Variants in GABRB3 observed in about 807,000 individuals in gnomAD.
The protein encoded by GABRB3 is gamma-aminobutyric acid type A receptor subunit beta3.
In GABRB3, 14 loss-of-function variants were observed where a neutral mutation model predicts 52.1. That is an observed-to-expected ratio of 0.27 (90% CI 0.18 to 0.42). The LOEUF (loss-of-function observed/expected upper bound fraction) is 0.42, where lower values mean the gene tolerates loss of function less well. Ranked by LOEUF, GABRB3 falls within the 10% of genes least tolerant of loss-of-function variation. The pLI is 1.00. For synonymous variants in GABRB3, 260 were observed against 232.3 expected (o/e 1.12, Z -1.08); for missense variants, 307 against 609.1 (o/e 0.50, Z 5.22).
At chr15:26,641,078 C>A (rs1043597331) in intron 3 of GABRB3, among the ~76,000 whole-genome samples, 1 of 152,178 alleles carries the variant, frequency 6.6e-6, no homozygotes, top group Non-Finnish European at 1.5e-5. Context: ...AAATCCAACA[C>A]CCTCTTCTAA....
At chr15:26,755,748 C>T (rs1890643348) in intron 3 of GABRB3, among the ~76,000 whole-genome samples, 1 of 152,122 alleles carries the variant, frequency 6.6e-6, no homozygotes, top group South Asian at 2.1e-4. Context: ...GGATAAAAAA[C>T]CTGAAAACAA....
intron 3 of GABRB3, among the ~76,000 whole-genome samples, chr15:26,707,872 T>G (rs1442705893): frequency 6.6e-6 from 1 of 152,220 alleles, no homozygotes; most frequent in South Asian, 2.1e-4. Flanking sequence ...GATACATAGG[T>G]GAGGATCTCT....
chr15:26,564,690 G>A (rs1329834135), intron 7 of GABRB3, among the ~76,000 whole-genome samples: 1 of 152,192 alleles, frequency 6.6e-6, no homozygotes, highest in Non-Finnish European at 1.5e-5. Context: ...GGAAGGGGTG[G>A]CAGGAAGGGG....
In GABRB3 at chr15:26,680,979, G is replaced by A. The variant is rs139095435; in HGVS notation, c.241-59445C>T. 1.7e-4 allele frequency among the ~76,000 whole-genome samples: 26 copies of A among 152,252 alleles called. 2 individuals are homozygous for A. In the East Asian group the frequency reaches 4.8e-3, roughly 28 times the overall value. ...TTGCAATTGTAGCAGCCATGAATGCGTGCATTTTGTAAGATTAACCCTCTT... is the reference window on the plus strand; with the variant it reads ...TTGCAATTGTAGCAGCCATGAATGCATGCATTTTGTAAGATTAACCCTCTT... On this transcript the variant is annotated intron_variant, in intron 3 of 8. Transcript: ENST00000311550.
chr15:26,611,809 A>C (rs1318989634), intron 4 of GABRB3: 1 of 152,204 alleles, frequency 6.6e-6, no homozygotes, highest in Non-Finnish European at 1.5e-5. Flanking sequence ...TCATAGTTAA[A>C]GCTCTTAGCG....
intron 3 of GABRB3, among the ~76,000 whole-genome samples, chr15:26,724,488 G>A (rs1049954340): frequency 2.0e-5 from 3 of 152,130 alleles, no homozygotes; most frequent in South Asian, 2.1e-4. Flanking sequence ...GCAACCAACT[G>A]TCTGAGGCTG....
At chr15:26,689,529 T>C (rs1888515782) in intron 3 of GABRB3, among the ~76,000 whole-genome samples, 1 of 152,130 alleles carries the variant, frequency 6.6e-6, no homozygotes, top group Non-Finnish European at 1.5e-5. Flanking sequence ...AACATTACAC[T>C]TCATGCCTCA....
At chr15:26,615,741 A>G in intron 4 of GABRB3, 1 of 1,108,612 alleles carries the variant, frequency 9.0e-7, no homozygotes, top group Non-Finnish European at 1.1e-6. Flanking sequence ...ATGAATAACA[A>G]AAGAAGCGTA....
intron 4 of GABRB3, among the ~76,000 whole-genome samples, chr15:26,606,914 C>G (rs1231114016): frequency 6.6e-6 from 1 of 151,200 alleles, no homozygotes; most frequent in Non-Finnish European, 1.5e-5. Flanking sequence ...TCTGGATGAA[C>G]TGTAACCTAG....
At chr15:26,747,258 T>C (rs1890371917) in intron 3 of GABRB3, among the ~76,000 whole-genome samples, 1 of 152,218 alleles carries the variant, frequency 6.6e-6, no homozygotes, top group Non-Finnish European at 1.5e-5. Flanking sequence ...TGTCTGTGTG[T>C]ACAAAAATCC....
intron 3 of GABRB3, among the ~76,000 whole-genome samples, chr15:26,737,430 ACT>A (rs1236585978): frequency 6.6e-6 from 1 of 151,886 alleles, no homozygotes; most frequent in Admixed American, 6.6e-5. Flanking sequence ...ATGGAAAGAG[ACT>A]CTTCCTGTCA....
chr15:26,674,719 G>C (rs1261185783), intron 3 of GABRB3, among the ~76,000 whole-genome samples: 2 of 152,160 alleles, frequency 1.3e-5, no homozygotes, highest in African/African-American at 2.4e-5. Context: ...AGAAACCTGA[G>C]GGCATGTGCC....
At chr15:26,684,131 A>G (rs1310864437) in intron 3 of GABRB3, among the ~76,000 whole-genome samples, 3 of 152,144 alleles carry the variant, frequency 2.0e-5, no homozygotes, top group African/African-American at 7.2e-5. Context: ...CCACACTCTC[A>G]TTTTGCAACC....
At chr15:26,628,794 C>T (rs1892811289) in intron 3 of GABRB3, among the ~76,000 whole-genome samples, 1 of 152,108 alleles carries the variant, frequency 6.6e-6, no homozygotes, top group South Asian at 2.1e-4. Context: ...AGGTTGGTGA[C>T]CCCCCCAGGG....
intron 8 of GABRB3, among the ~76,000 whole-genome samples, chr15:26,554,021 T>TTTTTTATATATATATATATATATATA (rs1555400756): frequency 1.3e-4 from 3 of 23,668 alleles, no homozygotes; most frequent in African/African-American, 5.5e-4. Flanking sequence ...ACCTGACTAT[T>TTTTTTATATATATATATATATATATA]TATATATATA....
At chr15:26,606,452 G>GA (rs1003340695) in intron 4 of GABRB3, among the ~76,000 whole-genome samples, 1 of 151,604 alleles carries the variant, frequency 6.6e-6, no homozygotes, top group Non-Finnish European at 1.5e-5. Flanking sequence ...ATTAAAAATT[G>GA]AAAAAATTGA....
At chr15:26,664,694 TC>T (rs1431427018) in intron 3 of GABRB3, among the ~76,000 whole-genome samples, 76 of 137,746 alleles carry the variant, frequency 5.5e-4, no homozygotes, top group African/African-American at 8.8e-4. Context: ...TCATTTCTTT[TC>T]TTTTCTTTGT....
intron 3 of GABRB3, among the ~76,000 whole-genome samples, chr15:26,745,388 C>T (rs1374403885): frequency 6.6e-6 from 1 of 152,100 alleles, no homozygotes; most frequent in Non-Finnish European, 1.5e-5. Flanking sequence ...GTGTTTACAT[C>T]TTGTGTAACT....
chr15:26,656,161 C>T (rs1183991698), intron 3 of GABRB3, among the ~76,000 whole-genome samples: 1 of 152,098 alleles, frequency 6.6e-6, no homozygotes, highest in African/African-American at 2.4e-5. Flanking sequence ...GTGACAGTCC[C>T]GAGCTGAGCT....
Sources: gnomAD v4.1 joint callset for allele counts (sites outside exome capture counted in the v4.1 genomes callset) on GRCh38, gnomAD v4.1.1 for gene constraint, MANE v1.5 for transcripts, NCBI Gene and HGNC (gene_info 2026-07-23, HGNC 2026-07-21) for gene names.